The following L3MBTL4 variants were observed in gnomAD, a reference collection of about 807,000 sequenced individuals.
L3MBTL4 encodes L3MBTL histone methyl-lysine binding protein 4, also known as lethal(3)malignant brain tumor-like protein 4.
Under a neutral mutation model 84.5 loss-of-function variants are expected in L3MBTL4, and 70 were observed. The observed-to-expected ratio is 0.83, with a 90% CI of 0.68 to 1.01. The LOEUF is 1.01. L3MBTL4 is among the 50% of genes least tolerant of loss of function. The pLI is 0.00. For synonymous variants in L3MBTL4, 274 were observed against 259.8 expected, an observed-to-expected ratio of 1.05 and a Z score of -0.52; for missense variants, 715 against 754.8, an observed-to-expected ratio of 0.95 and a Z score of 0.62.
intron 10 of L3MBTL4, among the ~76,000 whole-genome samples, chr18:6,233,361 GA>G (rs1457137033): frequency 6.7e-6 from 1 of 149,720 alleles, no homozygotes; most frequent in East Asian, 1.9e-4. Context: ...ATTCAATTAG[GA>G]AAAGAGGAAG....
chr18:6,168,727 G>C lies in L3MBTL4; in HGVS notation c.1096+3101C>G, dbSNP rs1457246945. On this transcript the variant is annotated intron_variant, in intron 13 of 18. Transcript: ENST00000317931. ...TAGACCTAAAACCATAAAAACCCTA[G>C]AAGAAAACCTAGGCATTACCATTCA... 5.9e-5 allele frequency among the ~76,000 whole-genome samples: 9 copies of C among 152,052 alleles called. No homozygotes were observed. In the South Asian group the frequency reaches 6.2e-4, roughly 10 times the overall value.
Position 5,954,804 on chromosome 18 carries a change from CA to C in L3MBTL4, c.*1415del, listed in dbSNP as rs1254331337. The C allele has an allele frequency of 7.7e-6, 1 of 129,562 alleles. No homozygotes were observed. Among genetic ancestry groups the C allele is most frequent in the African/African-American group, 2.7e-5 (1 of 36,882 alleles). The allele number at this position is 129,562 out of a possible 1,614,324, so 8.0% of individuals were successfully genotyped here. Reference sequence around the variant, plus strand: ...AATTTTACTTGCACATGGCAGTCTACAAAAAGCAAAACAAACAAAACTCCAC... The same window carrying C: ...AATTTTACTTGCACATGGCAGTCTACAAAAGCAAAACAAACAAAACTCCAC... On this transcript the variant is annotated 3_prime_UTR_variant, in exon 19 of 19. Transcript: ENST00000317931.
chr18:6,159,867 A>G (rs1443426317), intron 13 of L3MBTL4, among the ~76,000 whole-genome samples: 2 of 152,256 alleles, frequency 1.3e-5, no homozygotes, highest in Non-Finnish European at 2.9e-5. Flanking sequence ...TCTTATTAGA[A>G]GCACTGGGAC....
intron 14 of L3MBTL4, among the ~76,000 whole-genome samples, chr18:6,130,716 G>T (rs2059851318): frequency 6.6e-6 from 1 of 152,046 alleles, no homozygotes; most frequent in Non-Finnish European, 1.5e-5. Context: ...TCTAATCCTG[G>T]ACCTTGACTC....
chr18:5,996,521 C>A (rs575175965), intron 16 of L3MBTL4, among the ~76,000 whole-genome samples: 5 of 152,298 alleles, frequency 3.3e-5, no homozygotes, highest in African/African-American at 1.2e-4. Context: ...GACCAGCATG[C>A]AGCACTCTAG....
At chr18:6,283,483 A>G (rs932273429) in intron 4 of L3MBTL4, among the ~76,000 whole-genome samples, 1 of 152,192 alleles carries the variant, frequency 6.6e-6, no homozygotes, top group African/African-American at 2.4e-5. Context: ...ACTAAAGGAA[A>G]TATTATTTAA....
intron 16 of L3MBTL4, among the ~76,000 whole-genome samples, chr18:6,065,274 T>C (rs1262234736): frequency 6.6e-6 from 1 of 152,124 alleles, no homozygotes; most frequent in South Asian, 2.1e-4. Flanking sequence ...TGTTGAGGAT[T>C]TTTGCATCTA....
chr18:6,186,756 C>T (rs1170785491), intron 12 of L3MBTL4, among the ~76,000 whole-genome samples: 1 of 152,124 alleles, frequency 6.6e-6, no homozygotes, highest in Admixed American at 6.5e-5. Flanking sequence ...GGTCAGGGTA[C>T]GCAGAGAGCC....
intron 15 of L3MBTL4, among the ~76,000 whole-genome samples, chr18:6,091,185 T>G (rs1352218779): frequency 6.6e-6 from 1 of 152,208 alleles, no homozygotes; most frequent in Non-Finnish European, 1.5e-5. Flanking sequence ...GTTTTATCTG[T>G]ACATAATTAA....
chr18:6,292,506 G>T lies in L3MBTL4; in HGVS notation c.127+9397C>A, dbSNP rs551373310. 4.6e-5 allele frequency among the ~76,000 whole-genome samples: 7 copies of T among 152,192 alleles called. No individual in the cohort carries two copies. In the East Asian group the frequency reaches 1.3e-3, roughly 29 times the overall value. On this transcript the variant is annotated intron_variant, in intron 4 of 18. Coordinates refer to ENST00000317931, the MANE Select transcript of L3MBTL4 (RefSeq NM_001330559.2). ...AAATCTGAGAAAAATTTTCCTTCTGGCCTCTTTGTTACTCAGATATGGCCC... is the reference window on the plus strand; with the variant it reads ...AAATCTGAGAAAAATTTTCCTTCTGTCCTCTTTGTTACTCAGATATGGCCC...
At chr18:5,997,938 T>C (rs1479133159) in intron 16 of L3MBTL4, among the ~76,000 whole-genome samples, 2 of 152,150 alleles carry the variant, frequency 1.3e-5, no homozygotes, top group African/African-American at 4.8e-5. Flanking sequence ...CTGGAACCAA[T>C]CCCCCAGGGA....
intron 16 of L3MBTL4, among the ~76,000 whole-genome samples, chr18:6,013,776 G>A (rs1205999275): frequency 1.3e-5 from 2 of 152,218 alleles, no homozygotes; most frequent in African/African-American, 4.8e-5. Flanking sequence ...TGTCTATGAT[G>A]ATCCTCAAAT....
chr18:6,411,958 A>C (rs236038), intron 1 of L3MBTL4, among the ~76,000 whole-genome samples: 61,015 of 152,038 alleles, frequency 0.4, 12,509 homozygotes, highest in East Asian at 0.64. Context: ...GCATTACTAA[A>C]ATAATATTTT....
At chr18:6,387,514 A>G (rs1037253751) in intron 1 of L3MBTL4, among the ~76,000 whole-genome samples, 10 of 152,208 alleles carry the variant, frequency 6.6e-5, no homozygotes, top group Non-Finnish European at 1.0e-4. Context: ...TACATATTTG[A>G]CTGGCATTTG....
chr18:6,186,435 T>C (rs2044767419), intron 12 of L3MBTL4, among the ~76,000 whole-genome samples: 1 of 152,098 alleles, frequency 6.6e-6, no homozygotes, highest in South Asian at 2.1e-4. Flanking sequence ...GACTTGATCT[T>C]ACACTAATGG....
intron 16 of L3MBTL4, among the ~76,000 whole-genome samples, chr18:6,038,312 G>T (rs2056235796): frequency 7.3e-6 from 1 of 137,038 alleles, no homozygotes; most frequent in South Asian, 2.4e-4. Context: ...GGAGTGCAGT[G>T]ATGCAATCTC....
intron 4 of L3MBTL4, among the ~76,000 whole-genome samples, chr18:6,272,273 A>G (rs1039717006): frequency 2.0e-5 from 3 of 152,192 alleles, no homozygotes; most frequent in Admixed American, 6.5e-5. Flanking sequence ...AAAGCAGAGG[A>G]GTTTTAGGCT....
At chr18:6,379,663 A>G (rs1396694969) in intron 1 of L3MBTL4, among the ~76,000 whole-genome samples, 1 of 152,186 alleles carries the variant, frequency 6.6e-6, no homozygotes, top group Non-Finnish European at 1.5e-5. Context: ...CCCAGATATG[A>G]AGCCGACTTG....
chr18:6,279,997 A>G (rs1319465209), intron 4 of L3MBTL4, among the ~76,000 whole-genome samples: 2 of 152,214 alleles, frequency 1.3e-5, no homozygotes, highest in East Asian at 1.9e-4. Context: ...CACACTTAAA[A>G]TATTATTCAA....
Sources: gnomAD v4.1 joint callset for allele counts (sites outside exome capture counted in the v4.1 genomes callset) on GRCh38, gnomAD v4.1.1 for gene constraint, MANE v1.5 for transcripts, NCBI Gene and HGNC (gene_info 2026-07-23, HGNC 2026-07-21) for gene names.